Variants in CEACAM21 observed in about 807,000 individuals in gnomAD.
CEACAM21 encodes the protein CEA cell adhesion molecule 21.
In CEACAM21, 38 loss-of-function variants were observed where a neutral mutation model predicts 33.2. That is an observed-to-expected ratio of 1.14 (90% CI 0.88 to 1.50). The LOEUF (loss-of-function observed/expected upper bound fraction) is 1.50, where lower values mean the gene tolerates loss of function less well. Ranked by LOEUF, CEACAM21 falls within the 40% of genes most tolerant of loss-of-function variation. The pLI, the probability that CEACAM21 is intolerant of heterozygous loss-of-function variation, is 0.00. For synonymous variants in CEACAM21, 156 were observed against 143.0 expected (o/e 1.09, Z -0.65); for missense variants, 385 against 364.6 (o/e 1.06, Z -0.46).
intron 1 of CEACAM21, among the ~76,000 whole-genome samples, chr19:41,564,376 C>A (rs371792681): frequency 7.6e-6 from 1 of 130,978 alleles, no homozygotes; most frequent in Non-Finnish European, 1.5e-5. Flanking sequence ...ATTATTTTGC[C>A]CTCCTGCTCC....
At chr19:41,566,484 T>C (rs1221737718) in intron 2 of CEACAM21, among the ~76,000 whole-genome samples, 2 of 152,242 alleles carry the variant, frequency 1.3e-5, no homozygotes, top group East Asian at 3.8e-4. Flanking sequence ...TATTTTCTGA[T>C]GTTGAAACAT....
At chr19:41,563,142 G>A (rs1253588842) in intron 1 of CEACAM21, among the ~76,000 whole-genome samples, 1 of 152,156 alleles carries the variant, frequency 6.6e-6, no homozygotes, top group Non-Finnish European at 1.5e-5. Flanking sequence ...TTTGCATATT[G>A]GCTACTGAGA....
intron 1 of CEACAM21, among the ~76,000 whole-genome samples, chr19:41,556,959 A>G (rs1254878227): frequency 6.6e-6 from 1 of 152,246 alleles, no homozygotes; most frequent in Non-Finnish European, 1.5e-5. Flanking sequence ...AAATCTTTTT[A>G]TAAATTTAGA....
intron 1 of CEACAM21, among the ~76,000 whole-genome samples, chr19:41,556,948 A>G (rs1202100243): frequency 6.6e-6 from 1 of 152,236 alleles, no homozygotes; most frequent in Non-Finnish European, 1.5e-5. Flanking sequence ...AAAGGAATCT[A>G]AAATCTTTTT....
Position 41,576,274 on chromosome 19 carries a change from C to T in CEACAM21, c.-1C>T, listed in dbSNP as rs536596299. 6 of 1,613,918 alleles carry T rather than the reference C, an allele frequency of 3.7e-6. No homozygotes were observed. Among genetic ancestry groups the T allele is most frequent in the Non-Finnish European group, 5.1e-6 (6 of 1,179,856 alleles). On this transcript the variant is annotated 5_prime_UTR_variant, in exon 1 of 7. Transcript: ENST00000401445. ...GGAGGACAGAGCAGGCAGCAGAGAC[C>T]ATGGGGCCCCCCTCAGCTTGTCCCC...
At chr19:41,552,000 G>GT (rs1444991489) in intron 1 of CEACAM21, 1 of 152,180 alleles carries the variant, frequency 6.6e-6, no homozygotes, top group Non-Finnish European at 1.5e-5. Flanking sequence ...GAGGAAGAGA[G>GT]TTTTTTATTT....
intron 5 of CEACAM21, 79 bp downstream of exon 5, chr19:41,585,574 AG>A: frequency 6.8e-7 from 1 of 1,472,340 alleles, no homozygotes; most frequent in Non-Finnish European, 9.5e-7. Context: ...AGTTACACCC[AG>A]GGGCCTCTGA....
chr19:41,567,533 G>C (rs1391935892), intron 2 of CEACAM21, among the ~76,000 whole-genome samples: 3 of 152,210 alleles, frequency 2.0e-5, no homozygotes, highest in Admixed American at 2.0e-4. Flanking sequence ...CTGCATAAAA[G>C]GGTGCCCCCT....
At chr19:41,554,335 T>C (rs1309803702) in intron 1 of CEACAM21, among the ~76,000 whole-genome samples, 2 of 152,010 alleles carry the variant, frequency 1.3e-5, no homozygotes, top group African/African-American at 2.4e-5. Flanking sequence ...CATGTGTATA[T>C]GGGTGACTGA....
At chr19:41,554,561 A>G (rs906804908) in intron 1 of CEACAM21, among the ~76,000 whole-genome samples, 10 of 152,108 alleles carry the variant, frequency 6.6e-5, no homozygotes, top group Admixed American at 4.6e-4. Flanking sequence ...TTTATATTTC[A>G]CAATGCTTCC....
At chr19:41,575,526 A>G (rs2042883969), upstream of CEACAM21, among the ~76,000 whole-genome samples, 1 of 152,176 alleles carries the variant, frequency 6.6e-6, no homozygotes, top group Non-Finnish European at 1.5e-5. Context: ...AGAGAATGAG[A>G]GTTAAGCTGG....
intron 3 of CEACAM21, among the ~76,000 whole-genome samples, chr19:41,581,540 T>C (rs1210877648): frequency 6.6e-6 from 1 of 152,166 alleles, no homozygotes; most frequent in Non-Finnish European, 1.5e-5. Flanking sequence ...CGAGCTGGTC[T>C]TGGCTGCTGA....
intron 2 of CEACAM21, chr19:41,565,507 C>T (rs1555788115): frequency 6.5e-6 from 1 of 153,408 alleles, no homozygotes. Flanking sequence ...GGGTAGGGCC[C>T]TGCGGGAGAT....
intron 1 of CEACAM21, among the ~76,000 whole-genome samples, chr19:41,576,890 G>A (rs1398202107): frequency 1.3e-5 from 2 of 152,196 alleles, no homozygotes; most frequent in Non-Finnish European, 2.9e-5. Context: ...AGGTCAGAAA[G>A]GGAAGACCCA....
rs563265612 is a variant in CEACAM21 at position 41,549,743 on chromosome 19, C to G, written c.-779+191C>G. Among the ~76,000 whole-genome samples the G allele has an allele frequency of 9.2e-5, 14 of 152,160 alleles. No individual in the cohort carries two copies. In the South Asian group the frequency reaches 2.3e-3, roughly 25 times the overall value. ...TCCCTCTATTGCCCTGGCTGGAGTA[C>G]AGTGGTGGAATCACTGTTCACTACA... is the stretch of plus-strand genomic sequence containing the variant. On this transcript the variant is annotated intron_variant, in intron 1 of 7. Coordinates refer to the CEACAM21 transcript ENST00000407170.
chr19:41,572,024 A>G (rs1265805306), upstream of CEACAM21, among the ~76,000 whole-genome samples: 1 of 152,144 alleles, frequency 6.6e-6, no homozygotes, highest in Non-Finnish European at 1.5e-5. Context: ...ATGTACAGGA[A>G]TAACCAGTAG....
chr19:41,573,783 C>G (rs562388882), upstream of CEACAM21, among the ~76,000 whole-genome samples: 30 of 152,264 alleles, frequency 2.0e-4, no homozygotes, highest in African/African-American at 7.2e-4. Flanking sequence ...AATTTATCTA[C>G]TTAGATTAAG....
chr19:41,585,601 T>A, intron 5 of CEACAM21, 106 bp downstream of exon 5: 1 of 1,289,972 alleles, frequency 7.8e-7, no homozygotes, highest in East Asian at 2.3e-5. Context: ...TCCCTGGGGC[T>A]GCAAAGAGGA....
chr19:41,568,363 C>T (rs1191007435), intron 2 of CEACAM21, among the ~76,000 whole-genome samples: 2 of 152,058 alleles, frequency 1.3e-5, no homozygotes, highest in Non-Finnish European at 2.9e-5. Context: ...TTGCCTAGAC[C>T]AATGTCATGG....
Sources: allele counts gnomAD v4.1 joint callset (sites outside exome capture counted in the v4.1 genomes callset), GRCh38; gene constraint gnomAD v4.1.1; transcripts MANE v1.5; gene names NCBI Gene and HGNC (gene_info 2026-07-23, HGNC 2026-07-21).